MALRD1: variants seen among roughly 807,000 people sequenced by gnomAD.
MALRD1 encodes MAM and LDL-receptor class A domain-containing protein 1.
Under a neutral mutation model 242.1 loss-of-function variants are expected in MALRD1, and 247 were observed. The observed-to-expected ratio is 1.02, with a 90% CI of 0.92 to 1.13. The LOEUF is 1.13. MALRD1 is among the 50% of genes most tolerant of loss of function. The pLI is 0.00. For synonymous variants in MALRD1, 995 were observed against 866.6 expected (o/e 1.15, Z -2.60); for missense variants, 2,989 against 2,533.1 (o/e 1.18, Z -3.86).
chr10:19,260,507 T>C (rs1213185506), intron 19 of MALRD1, among the ~76,000 whole-genome samples: 1 of 152,212 alleles, frequency 6.6e-6, no homozygotes, highest in Non-Finnish European at 1.5e-5. Flanking sequence ...TCATTAGCCA[T>C]TGATCAGATC....
At chr10:19,394,523 G>C (rs1010354017) in intron 28 of MALRD1, among the ~76,000 whole-genome samples, 1 of 152,144 alleles carries the variant, frequency 6.6e-6, no homozygotes, top group Non-Finnish European at 1.5e-5. Context: ...TGGTCATTCT[G>C]GGTCCACTTT....
At chr10:19,469,283 G>A (rs1403621970) in intron 29 of MALRD1, among the ~76,000 whole-genome samples, 1 of 152,092 alleles carries the variant, frequency 6.6e-6, no homozygotes, top group Non-Finnish European at 1.5e-5. Context: ...TTTTTTATGT[G>A]TTCTTGTCGA....
chr10:19,219,376 A>C (rs1837463872), intron 18 of MALRD1, among the ~76,000 whole-genome samples: 2 of 152,176 alleles, frequency 1.3e-5, no homozygotes, highest in South Asian at 4.2e-4. Flanking sequence ...ACTGCAAAGA[A>C]ATAGTTTATA....
intron 29 of MALRD1, among the ~76,000 whole-genome samples, chr10:19,477,353 A>G (rs1461574868): frequency 6.6e-6 from 1 of 152,120 alleles, no homozygotes; most frequent in African/African-American, 2.4e-5. Flanking sequence ...AAGTAATTGA[A>G]TGATATCATT....
At chr10:19,435,470 C>G (rs1165241720) in intron 28 of MALRD1, among the ~76,000 whole-genome samples, 2 of 152,064 alleles carry the variant, frequency 1.3e-5, no homozygotes, top group Non-Finnish European at 2.9e-5. Context: ...GTGACAGTTT[C>G]CCAGTCTTTT....
intron 4 of MALRD1, among the ~76,000 whole-genome samples, chr10:19,088,778 T>C (rs1375748133): frequency 1.4e-5 from 1 of 72,666 alleles, no homozygotes; most frequent in Non-Finnish European, 2.6e-5. Flanking sequence ...GATATTCCCC[T>C]TCCTGTGTCC....
chr10:19,449,159 G>T (rs1180472870), intron 28 of MALRD1, among the ~76,000 whole-genome samples: 1 of 152,002 alleles, frequency 6.6e-6, no homozygotes, highest in Non-Finnish European at 1.5e-5. Context: ...AGGGCAATTT[G>T]TTTTATTTTA....
intron 38 of MALRD1, among the ~76,000 whole-genome samples, chr10:19,720,751 C>T (rs1308328669): frequency 6.6e-6 from 1 of 151,980 alleles, no homozygotes. Context: ...ACAAAAAGGA[C>T]AAAATATTGC....
At chr10:19,674,404 C>G (rs138337275) in intron 36 of MALRD1, among the ~76,000 whole-genome samples, 2 of 152,216 alleles carry the variant, frequency 1.3e-5, no homozygotes, top group East Asian at 3.9e-4. Context: ...TTTAGTTGAG[C>G]AAGTAGAGAA....
chr10:19,124,621 C>A lies in MALRD1; in HGVS notation c.894C>A (p.Ile298=). The A allele has an allele frequency of 1.6e-6, 2 of 1,233,756 alleles. No homozygotes were observed. Among genetic ancestry groups the A allele is most frequent in the Non-Finnish European group, 2.0e-6 (2 of 988,122 alleles). The allele number at this position is 1,233,756 out of a possible 1,614,324, so 76.4% of individuals were successfully genotyped here. A position where few individuals can be genotyped will look rare whatever the true frequency, so the allele number is the denominator to read the frequency against. ...ISWMRTKARE[I]PAFESTPQQD... is the part of the protein sequence containing the mutation. ...GGATGCGCACAAAAGCGAGAGAGATCCCTGCATTCGAATCCACACCTCAGC... is the reference window on the plus strand; with the variant it reads ...GGATGCGCACAAAAGCGAGAGAGATACCTGCATTCGAATCCACACCTCAGC... The change falls in exon 7 of 40, where the codon ATC becomes ATA. Residue 298 remains isoleucine (I), a synonymous_variant. Transcript: ENST00000454679.
At position 19,268,383 on chromosome 10, in the gene MALRD1, A is replaced by G. The variant is rs114959727; in HGVS notation, c.3079+10612A>G. 8.9e-3 allele frequency among the ~76,000 whole-genome samples: 1,358 copies of G among 152,272 alleles called. 22 individuals carry two copies. Among genetic ancestry groups the G allele is most frequent in the African/African-American group, 0.031 (1,292 of 41,568 alleles). On this transcript the variant is annotated intron_variant, in intron 19 of 39. Transcript: ENST00000454679. The stretch of plus-strand genomic sequence containing the variant: ...TATCTAACACAGACACTTCAATAAA[A>G]TCATACTAAACATAGTTCTTTCAGC...
At chr10:19,472,619 T>C (rs1294263856) in intron 29 of MALRD1, among the ~76,000 whole-genome samples, 4 of 151,984 alleles carry the variant, frequency 2.6e-5, no homozygotes, top group Non-Finnish European at 5.9e-5. Flanking sequence ...TTCTTCATGA[T>C]TCAGTCTTGG....
intron 36 of MALRD1, among the ~76,000 whole-genome samples, chr10:19,642,612 T>C (rs994379196): frequency 2.0e-5 from 3 of 152,178 alleles, no homozygotes; most frequent in Non-Finnish European, 4.4e-5. Flanking sequence ...ACAAACCTAC[T>C]TCTAAAGCTA....
At chr10:19,503,467 A>G (rs1838065126) in intron 31 of MALRD1, among the ~76,000 whole-genome samples, 2 of 152,194 alleles carry the variant, frequency 1.3e-5, no homozygotes, top group African/African-American at 4.8e-5. Context: ...GGAGACATTG[A>G]CGAAGTTGGG....
At chr10:19,306,091 C>CTA (rs1368299161) in intron 21 of MALRD1, among the ~76,000 whole-genome samples, 61 of 109,918 alleles carry the variant, frequency 5.5e-4, no homozygotes, top group African/African-American at 1.0e-3. Flanking sequence ...ACTATATATA[C>CTA]TATATACTAG....
intron 1 of MALRD1, among the ~76,000 whole-genome samples, chr10:19,066,518 A>G (rs1435591054): frequency 6.6e-6 from 1 of 152,194 alleles, no homozygotes; most frequent in Non-Finnish European, 1.5e-5. Context: ...CTATTAGAAC[A>G]CACTGTTTTC....
At chr10:19,593,147 T>C (rs1186281007) in intron 33 of MALRD1, among the ~76,000 whole-genome samples, 1 of 152,220 alleles carries the variant, frequency 6.6e-6, no homozygotes, top group Non-Finnish European at 1.5e-5. Context: ...CAATTTGCTT[T>C]CAAGGTTTGA....
Position 19,216,279 on chromosome 10 carries a change from A to C in MALRD1, c.2991+6599A>C, listed in dbSNP as rs377738715. Among the ~76,000 whole-genome samples, 3 of 151,646 alleles carry C rather than the reference A, an allele frequency of 2.0e-5. No homozygotes were observed. In the East Asian group the frequency reaches 5.9e-4, roughly 30 times the overall value. ...ACTATAGGTGCCTGCCACCACACCC[A>C]GCTAATTTTTGTATTTTTAGTGGAG... On this transcript the variant is annotated intron_variant, in intron 18 of 39. Transcript: ENST00000454679.
At chr10:19,185,844 T>TGTGTGTG (rs1232301953) in intron 14 of MALRD1, among the ~76,000 whole-genome samples, 2 of 149,348 alleles carry the variant, frequency 1.3e-5, no homozygotes, top group Non-Finnish European at 3.0e-5. Context: ...TGTGTGTGTG[T>TGTGTGTG]TAGTCTTTGA....
Sources: allele counts gnomAD v4.1 joint callset (sites outside exome capture counted in the v4.1 genomes callset), GRCh38; gene constraint gnomAD v4.1.1; transcripts MANE v1.5; gene names NCBI Gene and HGNC (gene_info 2026-07-23, HGNC 2026-07-21).